GPC6: variants seen among roughly 807,000 people sequenced by gnomAD.
GPC6 encodes glypican 6.
GPC6 carries 14 observed loss-of-function variants against 55.2 expected under a neutral mutation model. The observed-to-expected ratio is 0.25, with a 90% CI of 0.17 to 0.40. The LOEUF is 0.40. Ranked by LOEUF, GPC6 falls within the 10% of genes least tolerant of loss-of-function variation. GPC6 has a pLI of 1.00. For missense variants in GPC6, 641 were observed against 708.5 expected (o/e 0.90, Z 1.08); for synonymous variants, 278 against 259.6 (o/e 1.07, Z -0.68).
intron 4 of GPC6, among the ~76,000 whole-genome samples, chr13:94,255,202 A>G (rs1021496595): frequency 6.6e-6 from 1 of 152,210 alleles, no homozygotes; most frequent in African/African-American, 2.4e-5. Flanking sequence ...CTAGGCGTTT[A>G]CAACGCAGTG....
chr13:93,524,301 C>T (rs1322532912), intron 1 of GPC6, among the ~76,000 whole-genome samples: 1 of 151,976 alleles, frequency 6.6e-6, no homozygotes, highest in Non-Finnish European at 1.5e-5. Flanking sequence ...CAAAGACAAA[C>T]AGGAGTATGC....
intron 1 of GPC6, among the ~76,000 whole-genome samples, chr13:93,465,363 A>C (rs1878866940): frequency 6.7e-6 from 1 of 149,598 alleles, no homozygotes; most frequent in Non-Finnish European, 1.5e-5. Context: ...CTACATGGTA[A>C]ATGTGTTTAG....
chr13:93,230,160 C>T (rs1875959329), intron 1 of GPC6, among the ~76,000 whole-genome samples: 1 of 152,134 alleles, frequency 6.6e-6, no homozygotes. Flanking sequence ...AATTGCTGTT[C>T]AGACTTCAGA....
chr13:93,723,913 C>T (rs78600376), intron 2 of GPC6, among the ~76,000 whole-genome samples: 5 of 152,000 alleles, frequency 3.3e-5, no homozygotes, highest in African/African-American at 4.8e-5. Context: ...CCCAGCAATT[C>T]GGATCAACCT....
rs1015314323 is a variant in GPC6, at chr13:94,281,935, G to A, written c.878-4414G>A. On this transcript the variant is annotated intron_variant, in intron 4 of 8. Transcript: ENST00000377047. ...TTTTTTCTTGACCATCCCAATGTTT[G>A]TAATCAGAGGGGACATCATAAATGC... Among the ~76,000 whole-genome samples the A allele has an allele frequency of 3.3e-5, 5 of 152,150 alleles. No individual in the cohort carries two copies. In the East Asian group the frequency reaches 9.6e-4, roughly 29 times the overall value.
At chr13:94,195,807 A>G (rs1038568397) in intron 4 of GPC6, among the ~76,000 whole-genome samples, 1 of 152,226 alleles carries the variant, frequency 6.6e-6, no homozygotes, top group South Asian at 2.1e-4. Context: ...CATGGGGAAG[A>G]GCCCATACCA....
intron 4 of GPC6, among the ~76,000 whole-genome samples, chr13:94,096,732 A>C (rs1885670873): frequency 7.5e-6 from 1 of 132,882 alleles, no homozygotes; most frequent in Admixed American, 7.6e-5. Flanking sequence ...AGTTATAGGC[A>C]AACAGAATAT....
chr13:93,699,472 G>C (rs956880331), intron 2 of GPC6, among the ~76,000 whole-genome samples: 2 of 152,100 alleles, frequency 1.3e-5, no homozygotes, highest in African/African-American at 2.4e-5. Context: ...ACTGTACAGA[G>C]AGGTGGTCAG....
intron 2 of GPC6, among the ~76,000 whole-genome samples, chr13:93,661,092 A>G (rs2139612824): frequency 6.6e-6 from 1 of 152,324 alleles, no homozygotes; most frequent in African/African-American, 2.4e-5. Flanking sequence ...TAGTACATGC[A>G]AGGAGACAAG....
At chr13:94,139,545 A>G (rs1002853291) in intron 4 of GPC6, among the ~76,000 whole-genome samples, 1 of 152,140 alleles carries the variant, frequency 6.6e-6, no homozygotes, top group Non-Finnish European at 1.5e-5. Context: ...GCGCAAATCC[A>G]TCTAAAGACT....
chr13:93,613,377 C>T (rs529050729), intron 2 of GPC6, among the ~76,000 whole-genome samples: 239 of 152,164 alleles, frequency 1.6e-3, no homozygotes, highest in Non-Finnish European at 2.9e-3. Context: ...GAGTATTGGA[C>T]GTAGGTAGCT....
At chr13:93,597,007 CAAAAAAAA>C (rs10709473) in intron 2 of GPC6, among the ~76,000 whole-genome samples, 10 of 68,052 alleles carry the variant, frequency 1.5e-4, no homozygotes, top group South Asian at 7.2e-4. Flanking sequence ...TCAAATCTGG[CAAAAAAAA>C]AAAAAAAAAA....
At chr13:93,327,259 A>C (rs144118337) in intron 1 of GPC6, among the ~76,000 whole-genome samples, 1 of 152,122 alleles carries the variant, frequency 6.6e-6, no homozygotes, top group Non-Finnish European at 1.5e-5. Flanking sequence ...TGTTCAAATA[A>C]ATTATTAGGG....
intron 1 of GPC6, among the ~76,000 whole-genome samples, chr13:93,397,007 G>A (rs949808475): frequency 6.6e-6 from 1 of 152,050 alleles, no homozygotes; most frequent in African/African-American, 2.4e-5. Context: ...ATTACATTAA[G>A]CCATCATTTG....
At chr13:93,763,756 AT>A (rs1280134983) in intron 2 of GPC6, among the ~76,000 whole-genome samples, 1 of 152,130 alleles carries the variant, frequency 6.6e-6, no homozygotes, top group Non-Finnish European at 1.5e-5. Context: ...CTGTGTTAGC[AT>A]TAACTTGCTG....
chr13:94,398,841 A>G (rs1050984999), intron 8 of GPC6, among the ~76,000 whole-genome samples, 200 bp downstream of exon 8: 6 of 152,234 alleles, frequency 3.9e-5, no homozygotes, highest in Admixed American at 1.3e-4. Context: ...TAAATTCCAC[A>G]ACACAAGGAA....
chr13:93,700,746 A>G (rs894033363), intron 2 of GPC6, among the ~76,000 whole-genome samples: 3 of 152,090 alleles, frequency 2.0e-5, no homozygotes, highest in Non-Finnish European at 4.4e-5. Context: ...CTTGATATGA[A>G]GTATTTGATG....
At chr13:93,238,134 G>A (rs1876302484) in intron 1 of GPC6, among the ~76,000 whole-genome samples, 1 of 152,076 alleles carries the variant, frequency 6.6e-6, no homozygotes, top group Admixed American at 6.5e-5. Context: ...AAATTGCATT[G>A]AATCTGTAGA....
intron 4 of GPC6, among the ~76,000 whole-genome samples, chr13:94,124,425 T>C (rs993394236): frequency 2.0e-5 from 3 of 152,106 alleles, no homozygotes; most frequent in East Asian, 1.9e-4. Flanking sequence ...ATTCCTGCCT[T>C]CAGTGAACTC....
Sources: gnomAD v4.1 joint callset for allele counts (sites outside exome capture counted in the v4.1 genomes callset) on GRCh38, gnomAD v4.1.1 for gene constraint, MANE v1.5 for transcripts, NCBI Gene and HGNC (gene_info 2026-07-23, HGNC 2026-07-21) for gene names.